The following ATAD2B variants were observed in gnomAD, a reference collection of about 807,000 sequenced individuals.
ATAD2B encodes ATPase family AAA domain-containing protein 2B.
Under a neutral mutation model 167.6 loss-of-function variants are expected in ATAD2B, and 40 were observed. That is an observed-to-expected ratio of 0.24 (90% CI 0.19 to 0.31). ATAD2B has a LOEUF of 0.31. Ranked by LOEUF, ATAD2B falls within the 10% of genes least tolerant of loss-of-function variation. The probability of loss-of-function intolerance (pLI) is 1.00; values close to 1 mark genes in which losing one functional copy is unlikely to be tolerated. For missense variants in ATAD2B, 1,242 were observed against 1,757.2 expected, an observed-to-expected ratio of 0.71 and a Z score of 5.24; for synonymous variants, 579 against 596.5, an observed-to-expected ratio of 0.97 and a Z score of 0.43.
At chr2:23,840,078 G>A (rs1191794150) in intron 13 of ATAD2B, among the ~76,000 whole-genome samples, 5 of 152,012 alleles carry the variant, frequency 3.3e-5, no homozygotes, top group Non-Finnish European at 5.9e-5. Flanking sequence ...CTTTTTAATT[G>A]CTAAGTAATA....
At chr2:23,728,432 T>G in the ATAD2B span, among the ~76,000 whole-genome samples, 1 of 152,188 alleles carries the variant, frequency 6.6e-6, no homozygotes, top group South Asian at 2.1e-4. Flanking sequence ...ATCTAACTTG[T>G]TGGCATAGTT....
At chr2:23,753,829 C>T (rs930264781) in intron 27 of ATAD2B, among the ~76,000 whole-genome samples, 2 of 152,064 alleles carry the variant, frequency 1.3e-5, no homozygotes, top group African/African-American at 4.8e-5. Flanking sequence ...GGGGCCATGA[C>T]CACATCCGAC....
At chr2:23,700,244 C>T in the ATAD2B span, among the ~76,000 whole-genome samples, 27 of 152,258 alleles carry the variant, frequency 1.8e-4, 1 homozygote, top group South Asian at 5.2e-3. This position sits in a 1 kb window ranked among gnomAD's most constrained non-coding sequence, Gnocchi z 4.6. Flanking sequence ...TCTGCTGGCT[C>T]GTGAGATCTG....
intron 18 of ATAD2B, chr2:23,806,204 C>T (rs1046966700): frequency 2.0e-5 from 3 of 152,176 alleles, no homozygotes; most frequent in South Asian, 2.1e-4. Flanking sequence ...TATAGTTCCA[C>T]TGCCCATGTA....
intron 21 of ATAD2B, among the ~76,000 whole-genome samples, chr2:23,785,400 T>C (rs548213490): frequency 6.6e-6 from 1 of 152,246 alleles, no homozygotes; most frequent in African/African-American, 2.4e-5. Flanking sequence ...GTTGATAGTA[T>C]TAGATTCCCA....
At chr2:23,700,402 T>G in the ATAD2B span, among the ~76,000 whole-genome samples, 1 of 152,362 alleles carries the variant, frequency 6.6e-6, no homozygotes, top group African/African-American at 2.4e-5. The surrounding 1 kb of genome is among the most constrained non-coding windows in gnomAD (Gnocchi z 4.6). Flanking sequence ...TACATGTTAC[T>G]ACTCTCTTGG....
At chr2:23,811,466 A>C (rs1418407891) in intron 17 of ATAD2B, 1 of 152,284 alleles carries the variant, frequency 6.6e-6, no homozygotes, top group African/African-American at 2.4e-5. Flanking sequence ...CAGAGCCTTC[A>C]TCTTAGACTT....
intron 12 of ATAD2B, among the ~76,000 whole-genome samples, chr2:23,861,771 T>C (rs1694409442): frequency 2.0e-5 from 3 of 152,234 alleles, no homozygotes; most frequent in African/African-American, 2.4e-5. Flanking sequence ...TTTTTATTGT[T>C]TGATTATTAA....
intron 1 of ATAD2B, among the ~76,000 whole-genome samples, chr2:23,901,578 T>C (rs1435328527): frequency 1.3e-5 from 2 of 152,100 alleles, no homozygotes; most frequent in Non-Finnish European, 2.9e-5. Flanking sequence ...TAAAATTCCA[T>C]GATAACAAGG....
At chr2:23,926,448 C>T in intron 1 of ATAD2B, 107 bp downstream of exon 1, 2 of 1,435,910 alleles carry the variant, frequency 1.4e-6, no homozygotes, top group Non-Finnish European at 1.8e-6. Flanking sequence ...CTCCAGCCGC[C>T]CGAGCGGTCT....
chr2:23,919,038 T>C (rs1703486978), intron 1 of ATAD2B, among the ~76,000 whole-genome samples: 1 of 152,034 alleles, frequency 6.6e-6, no homozygotes, highest in Admixed American at 6.6e-5. Flanking sequence ...AACAAGTGAG[T>C]ATAGCAAAAA....
chr2:23,873,896 C>T (rs1696380396), intron 8 of ATAD2B, among the ~76,000 whole-genome samples: 1 of 152,072 alleles, frequency 6.6e-6, no homozygotes, highest in South Asian at 2.1e-4. Context: ...AAGCCAAAAT[C>T]CTAGTTGGGG....
intron 18 of ATAD2B, among the ~76,000 whole-genome samples, chr2:23,804,740 A>G (rs1684082526): frequency 6.6e-6 from 1 of 152,042 alleles, no homozygotes; most frequent in Non-Finnish European, 1.5e-5. Context: ...GTGTTTCCTT[A>G]CCTTTACTTA....
intron 2 of ATAD2B, among the ~76,000 whole-genome samples, chr2:23,893,747 G>A (rs1264957977): frequency 2.1e-5 from 3 of 145,600 alleles, no homozygotes; most frequent in Non-Finnish European, 4.5e-5. Context: ...ACAGCTCACT[G>A]TAGCCTCAAA....
intron 17 of ATAD2B, chr2:23,811,326 T>C (rs1023694361): frequency 6.6e-6 from 1 of 152,192 alleles, no homozygotes; most frequent in East Asian, 1.9e-4. Flanking sequence ...AAGGGCTTGA[T>C]AATAAAACTA....
chr2:23,703,415 G>T, the ATAD2B span: 1 of 1,424,518 alleles, frequency 7.0e-7, no homozygotes, highest in Non-Finnish European at 9.2e-7. Context: ...CAGGGCCAGG[G>T]TCGCATCCCT....
At chr2:23,711,338 CTTTCTTTTTT>C in the ATAD2B span, among the ~76,000 whole-genome samples, 1 of 45,620 alleles carries the variant, frequency 2.2e-5, no homozygotes. Flanking sequence ...CACAGAATTT[CTTTCTTTTTT>C]TTTTTTTTTT....
chr2:23,922,496 A>T (rs1212867223), intron 1 of ATAD2B, among the ~76,000 whole-genome samples: 2 of 152,146 alleles, frequency 1.3e-5, no homozygotes, highest in African/African-American at 4.8e-5. Flanking sequence ...AAAAAAAATA[A>T]GAAAATTTAA....
intron 13 of ATAD2B, 106 bp downstream of exon 13, chr2:23,857,309 T>C (rs1225363272): frequency 2.5e-5 from 15 of 612,056 alleles, no homozygotes. Context: ...ACACAGATTG[T>C]TTTAAATTTC....
Sources: gnomAD v4.1 joint callset for allele counts (sites outside exome capture counted in the v4.1 genomes callset) on GRCh38, gnomAD v4.1.1 for gene constraint, Gnocchi (gnomAD v3.1) non-coding constraint, MANE v1.5 for transcripts, NCBI Gene and HGNC (gene_info 2026-07-23, HGNC 2026-07-21) for gene names.